Variants in ZNF273 observed in about 807,000 individuals in gnomAD.
ZNF273 encodes the protein zinc finger protein 273, also known as zinc finger protein 9.
In ZNF273, 11 loss-of-function variants were observed where a neutral mutation model predicts 14.9. The observed-to-expected ratio is 0.74, with a 90% CI of 0.46 to 1.22. ZNF273 has a LOEUF of 1.22. Among genes scored for constraint, ZNF273 ranks in the 50% most tolerant of loss-of-function variants. The pLI is 0.00. For missense variants in ZNF273, 577 were observed against 660.6 expected, an observed-to-expected ratio of 0.87 and a Z score of 1.39; for synonymous variants, 199 against 223.9, an observed-to-expected ratio of 0.89 and a Z score of 0.99.
At chr7:64,922,936 A>G (rs1451337464) in intron 3 of ZNF273, among the ~76,000 whole-genome samples, 2 of 152,136 alleles carry the variant, frequency 1.3e-5, no homozygotes, top group Non-Finnish European at 2.9e-5. Flanking sequence ...GCTGCACTCC[A>G]GCCTAGGTGG....
At chr7:64,932,620 A>G (rs1043392368), downstream of ZNF273, among the ~76,000 whole-genome samples, 21 of 152,122 alleles carry the variant, frequency 1.4e-4, no homozygotes, top group Non-Finnish European at 2.6e-4. Flanking sequence ...TAAATTTTTA[A>G]GAGAGCTAAT....
At position 64,903,298 on chromosome 7, in the gene ZNF273, G is replaced by C. The variant is rs745750230; in HGVS notation, c.-20G>C. ...GTCTCTCGCTGCAGTCGCAGCTCCA[G>C]GTCTCGTCTTCACTGCTCTATGTCC... On this transcript the variant is annotated 5_prime_UTR_variant, in exon 1 of 4. Transcript: ENST00000476120. The C allele has an allele frequency of 3.1e-6, 5 of 1,591,786 alleles. No homozygotes were observed. Among genetic ancestry groups the C allele is most frequent in the South Asian group, 2.2e-5 (2 of 90,462 alleles).
chr7:64,879,049 G>A (rs145276973), intron 2 of ZNF273, among the ~76,000 whole-genome samples: 19 of 152,352 alleles, frequency 1.2e-4, no homozygotes, highest in African/African-American at 4.1e-4. Context: ...GATTCCTATA[G>A]TATAAGAAGC....
At chr7:64,932,640 G>A, downstream of ZNF273, among the ~76,000 whole-genome samples, 1 of 152,072 alleles carries the variant, frequency 6.6e-6, no homozygotes, top group African/African-American at 2.4e-5. Flanking sequence ...TGGTAAATCT[G>A]ACTCGGCACG....
chr7:64,907,431 T>C (rs954236939), intron 1 of ZNF273, among the ~76,000 whole-genome samples: 9 of 152,238 alleles, frequency 5.9e-5, no homozygotes, highest in Non-Finnish European at 1.2e-4. Context: ...TATAATAAAC[T>C]GGTCAACATA....
chr7:64,891,412 G>C (rs1364498403), downstream of ZNF273, among the ~76,000 whole-genome samples: 1 of 152,198 alleles, frequency 6.6e-6, no homozygotes, highest in East Asian at 1.9e-4. Flanking sequence ...ACCCAGACAG[G>C]CACAGCACAG....
At chr7:64,883,718 G>A (rs1279959973), downstream of ZNF273, among the ~76,000 whole-genome samples, 2 of 152,220 alleles carry the variant, frequency 1.3e-5, no homozygotes, top group Non-Finnish European at 2.9e-5. Flanking sequence ...GGAGCCACAT[G>A]AAGTTTGAAT....
intron 3 of ZNF273, among the ~76,000 whole-genome samples, chr7:64,918,680 A>T (rs1794197477): frequency 6.7e-6 from 1 of 149,252 alleles, no homozygotes; most frequent in Non-Finnish European, 1.5e-5. Context: ...AAAAAAAAAA[A>T]AAAAAAAATG....
At chr7:64,914,446 C>T (rs1037236611) in intron 1 of ZNF273, among the ~76,000 whole-genome samples, 22 of 151,874 alleles carry the variant, frequency 1.4e-4, no homozygotes, top group Middle Eastern at 3.4e-3. Flanking sequence ...ATTTTCACAC[C>T]AACCTAATAA....
chr7:64,917,986 A>G (rs1794133672), intron 2 of ZNF273, among the ~76,000 whole-genome samples: 1 of 152,206 alleles, frequency 6.6e-6, no homozygotes, highest in Admixed American at 6.5e-5. Context: ...AATTGCCACC[A>G]CTAATTTTTC....
intron 3 of ZNF273, among the ~76,000 whole-genome samples, chr7:64,925,218 T>C (rs200883889): frequency 6.2e-5 from 6 of 97,022 alleles, no homozygotes; most frequent in Non-Finnish European, 1.1e-4. Flanking sequence ...TATCATTTTA[T>C]TAGTTTTATT....
chr7:64,890,213 T>TGAGAGAGAGAGAGAGAGA (rs1164928002), downstream of ZNF273: 2 of 17,596 alleles, frequency 1.1e-4, no homozygotes, highest in Non-Finnish European at 2.5e-4. Context: ...TGTGTGTGTG[T>TGAGAGAGAGAGAGAGAGA]GTGTGTGTGA....
At chr7:64,912,377 T>C (rs1164870193) in intron 1 of ZNF273, among the ~76,000 whole-genome samples, 2 of 152,280 alleles carry the variant, frequency 1.3e-5, no homozygotes, top group East Asian at 3.8e-4. Flanking sequence ...TGTCTAATAG[T>C]GTCTGTGGGG....
intron 1 of ZNF273, chr7:64,888,455 A>T (rs1468336971): frequency 4.1e-6 from 4 of 985,650 alleles, no homozygotes; most frequent in Non-Finnish European, 4.8e-6. Context: ...CAAGGAAGGG[A>T]GCTTCTCCAG....
intron 3 of ZNF273, chr7:64,923,703 T>G (rs1794632916): frequency 4.9e-6 from 1 of 203,256 alleles, no homozygotes; most frequent in Non-Finnish European, 1.0e-5. Flanking sequence ...TTTGCATTGC[T>G]TTTACCTATT....
At chr7:64,878,727 C>T (rs767292491) in intron 2 of ZNF273, among the ~76,000 whole-genome samples, 4 of 152,204 alleles carry the variant, frequency 2.6e-5, no homozygotes, top group Admixed American at 2.0e-4. Flanking sequence ...CTTTCATTCC[C>T]GGAGCCACAT....
chr7:64,880,582 T>C (rs1791216672), downstream of ZNF273, among the ~76,000 whole-genome samples: 1 of 152,038 alleles, frequency 6.6e-6, no homozygotes, highest in Non-Finnish European at 1.5e-5. Context: ...GCCCTTTTTT[T>C]TTCGAGTCGC....
downstream of ZNF273, among the ~76,000 whole-genome samples, chr7:64,935,364 C>G (rs1268781395): frequency 6.6e-6 from 1 of 152,092 alleles, no homozygotes; most frequent in African/African-American, 2.4e-5. Flanking sequence ...AAGCTTACAA[C>G]ATTTCCTTGC....
intron 3 of ZNF273, among the ~76,000 whole-genome samples, chr7:64,922,142 T>C (rs1281383433): frequency 2.0e-5 from 3 of 150,456 alleles, no homozygotes; most frequent in Admixed American, 6.6e-5. Context: ...TTAATAATTG[T>C]ATTTATTTAT....
Sources: allele counts gnomAD v4.1 joint callset (sites outside exome capture counted in the v4.1 genomes callset), GRCh38; gene constraint gnomAD v4.1.1; transcripts MANE v1.5; gene names NCBI Gene and HGNC (gene_info 2026-07-23, HGNC 2026-07-21).